RBBP6: variants seen among roughly 807,000 people sequenced by gnomAD.
The protein encoded by RBBP6 is RB binding protein 6, ubiquitin ligase.
Under a neutral mutation model 167.7 loss-of-function variants are expected in RBBP6, and 25 were observed. The observed-to-expected ratio is 0.15, with a 90% CI of 0.11 to 0.21. The LOEUF (loss-of-function observed/expected upper bound fraction) is 0.21. Ranked by LOEUF, RBBP6 falls within the 10% of genes least tolerant of loss-of-function variation. RBBP6 has a pLI of 1.00. For synonymous variants in RBBP6, 789 were observed against 735.8 expected (o/e 1.07, Z -1.17); for missense variants, 1,868 against 2,134.2 (o/e 0.88, Z 2.46).
intron 15 of RBBP6, 76 bp downstream of exon 15, chr16:24,567,581 G>A (rs777331936): frequency 5.6e-5 from 81 of 1,453,590 alleles, no homozygotes; most frequent in Non-Finnish European, 7.0e-5. Context: ...GTCTGGAAAC[G>A]TTTTCCAGTG....
rs1329495440 is a variant in RBBP6, at chr16:24,569,000, A to G, written c.2310A>G (p.Ser770=). Residue 770 remains serine (S), a synonymous_variant, in exon 17 of 18, where the codon TCA becomes TCG. Coordinates refer to ENST00000319715, the MANE Select transcript of RBBP6 (RefSeq NM_006910.5). ...CTTACAGACGCTATCATTCACGATC[A>G]AGATCTCCTCAAGCGTTTAGGGGAC... ...SPPYRRYHSR[S]RSPQAFRGQS... The G allele has an allele frequency of 3.7e-6, 6 of 1,614,144 alleles. No homozygotes were observed. In the Admixed American group the frequency reaches 8.3e-5, roughly 22 times the overall value.
In RBBP6 at chr16:24,539,906, T is replaced by G. The variant is rs1371300648; in HGVS notation, c.-721T>G. The G allele has an allele frequency of 9.1e-5, 14 of 153,102 alleles. No homozygotes were observed. The South Asian group carries it at 2.3e-3, about 25-fold the overall frequency. The allele number at this position is 153,102 out of a possible 1,614,324, so 9.5% of individuals were successfully genotyped here. A position where few individuals can be genotyped will look rare whatever the true frequency, so the allele number is the denominator to read the frequency against. ...GGCCTCGCCGAGGCCTAGCGCCGGC[T>G]TTGTGTCCGAGGCGGCGGCGGCGGC... On this transcript the variant is annotated 5_prime_UTR_variant, in exon 1 of 18. Coordinates refer to ENST00000319715, the MANE Select transcript of RBBP6 (RefSeq NM_006910.5).
At position 24,569,672 on chromosome 16, in the gene RBBP6, A is replaced by G; in HGVS notation, c.2982A>G (p.Glu994=). The G allele has an allele frequency of 6.2e-7, 1 of 1,613,842 alleles. No homozygotes were observed. The highest frequency in any genetic ancestry group is 8.5e-7 in the Non-Finnish European group (1 of 1,179,968). The change falls in exon 17 of 18, where the codon GAA becomes GAG. Residue 994 remains glutamate (E), a synonymous_variant. Transcript: ENST00000319715. ...TTAGAGATGAACCAATGGATGCAGA[A>G]TCAATCACTTTTAAATCAGTGTCTG... ...TPVRDEPMDA[E]SITFKSVSEK...
chr16:24,553,461 T>C, intron 3 of RBBP6, 52 bp from the exon 4 acceptor site: 1 of 1,493,754 alleles, frequency 6.7e-7, no homozygotes, highest in South Asian at 1.1e-5. Context: ...ATGATCACTT[T>C]AAGATGTTTT....
chr16:24,571,436 A>G lies in RBBP6; in HGVS notation c.4370A>G (p.Asp1457Gly). ...SKEARTSDKH[D>G]STRASSNKDF... ...GAGGCTAGAACGTCAGATAAACATG[A>G]TTCCACTCGTGCTTCCTCAAATAAA... The change falls in exon 18 of 18, where the codon GAT becomes GGT. Residue 1457 changes from aspartate to glycine, a missense_variant. Asp to Gly is a moderately conservative substitution (Grantham distance 94). Transcript: ENST00000319715. 1 of 1,613,322 alleles carries G rather than the reference A, an allele frequency of 6.2e-7. No individual in the cohort carries two copies. The highest frequency in any genetic ancestry group is 8.5e-7 in the Non-Finnish European group (1 of 1,179,878).
At chr16:24,564,379 T>C (rs1899143803) in intron 13 of RBBP6, among the ~76,000 whole-genome samples, 1 of 152,144 alleles carries the variant, frequency 6.6e-6, no homozygotes, top group Non-Finnish European at 1.5e-5. Flanking sequence ...TGCATGACAG[T>C]GGTCTTGTGG....
At chr16:24,570,749 T>A in intron 17 of RBBP6, 127 bp from the exon 18 acceptor site, 1 of 904,214 alleles carries the variant, frequency 1.1e-6, no homozygotes, top group Non-Finnish European at 1.5e-6. Flanking sequence ...TAGGGCAGAA[T>A]AAGTTTTTTG....
Position 24,555,693 on chromosome 16 carries a change from G to A in RBBP6, c.427G>A (p.Asp143Asn), listed in dbSNP as rs753345674. The A allele has an allele frequency of 2.5e-6, 4 of 1,613,126 alleles. No homozygotes were observed. Among genetic ancestry groups the A allele is most frequent in the Non-Finnish European group, 3.4e-6 (4 of 1,179,458 alleles). The change falls in exon 5 of 18, where the codon GAC (aspartate) becomes AAC (asparagine). Residue 143 changes from aspartate to asparagine, a missense_variant. Asp to Asn is a conservative substitution (Grantham distance 23, BLOSUM62 1). Coordinates refer to ENST00000319715, the MANE Select transcript of RBBP6 (RefSeq NM_006910.5). ...GATGTCGCAATCTGGCCATGAATAC[G>A]ACCCAATCAAGTAAGTTCATAAATA... ...AMMSQSGHEY[D>N]PINYMKKPLG...
Position 24,569,368 on chromosome 16 carries a change from A to C in RBBP6, c.2678A>C (p.Asn893Thr). 3 of 1,614,172 alleles carry C rather than the reference A, an allele frequency of 1.9e-6. No homozygotes were observed. Among genetic ancestry groups the C allele is most frequent in the Non-Finnish European group, 2.5e-6 (3 of 1,180,048 alleles). ...GGTGGGCAAAGTCATAGAAGTCGAA[A>C]CATAGGTAGCAACTATCCAGAAAAG... ...YVGGQSHRSR[N>T]IGSNYPEKLS... is the part of the protein sequence containing the mutation. Residue 893 changes from asparagine to threonine, a missense_variant, in exon 17 of 18, where the codon AAC (asparagine) becomes ACC (threonine). Physicochemically the swap from Asn to Thr is moderately conservative, Grantham distance 65 (BLOSUM62 0). Transcript: ENST00000319715.
At chr16:24,548,744 A>G (rs1898726639) in intron 2 of RBBP6, among the ~76,000 whole-genome samples, 1 of 152,166 alleles carries the variant, frequency 6.6e-6, no homozygotes, top group East Asian at 1.9e-4. Context: ...TTTCCAAACC[A>G]CAAATCTATC....
chr16:24,553,665 A>G, intron 4 of RBBP6, 108 bp downstream of exon 4: 5 of 759,064 alleles, frequency 6.6e-6, no homozygotes, highest in Non-Finnish European at 1.0e-5. Context: ...ATTTTGCAAA[A>G]GCATTGTACA....
At chr16:24,549,317 T>C in intron 3 of RBBP6, 1 of 1,132,168 alleles carries the variant, frequency 8.8e-7, no homozygotes, top group Non-Finnish European at 1.1e-6. Context: ...GTTCTACATT[T>C]GTCTGTCTAT....
At position 24,546,164 on chromosome 16, in the gene RBBP6, A is replaced by C. The variant is rs1387342027; in HGVS notation, c.168A>C (p.Glu56Asp). Residue 56 changes from glutamate to aspartate, a missense_variant and splice_region_variant, in exon 2 of 18, where the codon GAA becomes GAC. Around this residue, in one of 7 missense-constraint regions of RBBP6, gnomAD observed 184 missense variants for 327.7 expected, o/e 0.56. Coordinates refer to ENST00000319715, the MANE Select transcript of RBBP6 (RefSeq NM_006910.5). ...TCAATTCTGTCTTTTTATTTACAGA[A>C]TATACTGATGATAATGCTCTGATTC... ...LQITNAQTKE[E>D]YTDDNALIPK... 8.9e-6 allele frequency: 14 copies of C among 1,579,270 alleles called. No individual in the cohort carries two copies. The highest frequency in any genetic ancestry group is 1.2e-5 in the Non-Finnish European group (14 of 1,169,400).
rs1899374972 is a variant in RBBP6 at position 24,572,838 on chromosome 16, TAA to T, written c.*396_*397del. ...CTGTTATGTCACTTTTTGATTACAA[TAA>T]AAGTTTTCAGTAAACTTTTCAAATG... On this transcript the variant is annotated 3_prime_UTR_variant, in exon 18 of 18. Coordinates refer to ENST00000319715, the MANE Select transcript of RBBP6 (RefSeq NM_006910.5). 1 of 163,188 alleles carries T rather than the reference TAA, an allele frequency of 6.1e-6. No individual in the cohort carries two copies. The highest frequency in any genetic ancestry group is 2.4e-5 in the African/African-American group (1 of 41,638). 10.1% of individuals were successfully genotyped at this position (163,188 alleles called of 1,614,324 possible). A position where few individuals can be genotyped will look rare whatever the true frequency, so the allele number is the denominator to read the frequency against.
chr16:24,567,951 G>T, intron 16 of RBBP6, 58 bp downstream of exon 16: 1 of 1,382,670 alleles, frequency 7.2e-7, no homozygotes, highest in Admixed American at 1.8e-5. Flanking sequence ...AATATCCAGG[G>T]ATTAGCTATG....
rs201210613 is a variant in RBBP6 at position 24,569,836 on chromosome 16, G to C, written c.3146G>C (p.Arg1049Pro). The C allele has an allele frequency of 6.8e-6, 11 of 1,611,598 alleles. No homozygotes were observed. The highest frequency in any genetic ancestry group is 1.3e-5 in the African/African-American group (1 of 74,574). Residue 1049 changes from arginine (R) to proline (P), a missense_variant, in exon 17 of 18, where the codon CGT becomes CCT. Physicochemically the swap from Arg to Pro is moderately radical, Grantham distance 103. This residue lies in a region of RBBP6 where 673 missense variants were observed against 691.5 expected (regional missense o/e 0.97). Coordinates refer to ENST00000319715, the MANE Select transcript of RBBP6 (RefSeq NM_006910.5). ...KGPQEKVDGE[R>P]ERSPRSEPPI... ...CCCCAAGAAAAAGTAGATGGAGAAC[G>C]TGAGAGATCTCCTCGATCTGAACCT...
chr16:24,568,022 G>C (rs1042785699), intron 16 of RBBP6, 129 bp downstream of exon 16: 4 of 722,704 alleles, frequency 5.5e-6, no homozygotes, highest in Non-Finnish European at 7.1e-6. Context: ...TAGAAGTGAA[G>C]ATGTAGCTTA....
intron 14 of RBBP6, 75 bp downstream of exon 14, chr16:24,564,940 C>T (rs1899157217): frequency 3.9e-6 from 6 of 1,522,192 alleles, no homozygotes; most frequent in East Asian, 4.9e-5. Context: ...AATTAAAGCA[C>T]AGCAGTGGCA....
At chr16:24,564,998 C>G in intron 14 of RBBP6, 133 bp downstream of exon 14, 1 of 1,360,156 alleles carries the variant, frequency 7.4e-7, no homozygotes, top group Non-Finnish European at 9.5e-7. Flanking sequence ...CCTCTTAAGT[C>G]CTGGGTAGTT....
Sources: gnomAD v4.1 joint callset for allele counts (sites outside exome capture counted in the v4.1 genomes callset) on GRCh38, gnomAD v4.1.1 for gene constraint, gnomAD v4.1.1 regional missense constraint, MANE v1.5 for transcripts, NCBI Gene and HGNC (gene_info 2026-07-23, HGNC 2026-07-21) for gene names.